Variants in ABCB6 observed in about 807,000 individuals in gnomAD.
ABCB6 encodes ATP binding cassette subfamily B member 6 (LAN blood group).
In ABCB6, 87 loss-of-function variants were observed where a neutral mutation model predicts 99.4. That is an observed-to-expected ratio of 0.88 (90% CI 0.74 to 1.05). The LOEUF (loss-of-function observed/expected upper bound fraction) is 1.05. Among genes scored for constraint, ABCB6 ranks in the 50% least tolerant of loss-of-function variants. The pLI is 0.00. For synonymous variants in ABCB6, 482 were observed against 447.5 expected (o/e 1.08, Z -0.97); for missense variants, 1,050 against 1,097.9 (o/e 0.96, Z 0.62).
intron 6 of ABCB6, 43 bp downstream of exon 6, chr2:219,214,918 C>A: frequency 6.2e-7 from 1 of 1,612,886 alleles, no homozygotes; most frequent in Non-Finnish European, 8.5e-7. Flanking sequence ...CCAAGGGAGT[C>A]CCTGGATAGT....
rs1291575906 is a variant in ABCB6, at chr2:219,218,263, T to C, written c.411A>G (p.Ala137=). The change falls in exon 1 of 19, where the codon GCA becomes GCG. Residue 137 remains alanine (A), a synonymous_variant. Coordinates refer to ENST00000265316, the MANE Select transcript of ABCB6 (RefSeq NM_005689.4). ...GCCTGAACTTGATCCAGATGCCCATTGCCAGACGCTGCCGTGCCTGGCTCC... is the reference window on the plus strand; with the variant it reads ...GCCTGAACTTGATCCAGATGCCCATCGCCAGACGCTGCCGTGCCTGGCTCC... ...VERSQARQRL[A]MGIWIKFRHS... is the part of the protein sequence containing the mutation. 1 of 1,613,290 alleles carries C rather than the reference T, an allele frequency of 6.2e-7. No homozygotes were observed. Among genetic ancestry groups the C allele is most frequent in the Non-Finnish European group, 8.5e-7 (1 of 1,180,030 alleles).
chr2:219,214,530 G>A lies in ABCB6; in HGVS notation c.1277-32C>T, dbSNP rs762292569. On this transcript the variant is annotated intron_variant, in intron 6 of 18. Coordinates refer to ENST00000265316, the MANE Select transcript of ABCB6 (RefSeq NM_005689.4). Reference sequence around the variant, plus strand: ...AGTGACAGGATGGGGAGCAGAATAGGACATCATCCCCAAAAGCAGAGACCA... The same window carrying A: ...AGTGACAGGATGGGGAGCAGAATAGAACATCATCCCCAAAAGCAGAGACCA... 4 of 1,480,496 alleles carry A rather than the reference G, an allele frequency of 2.7e-6. No homozygotes were observed. The Admixed American group carries it at 5.0e-5, about 19-fold the overall frequency. 91.7% of individuals were successfully genotyped at this position (1,480,496 alleles called of 1,614,324 possible). A position where few individuals can be genotyped will look rare whatever the true frequency, so the allele number is the denominator to read the frequency against.
Position 219,218,931 on chromosome 2 carries a change from C to G in ABCB6, c.-258G>C, listed in dbSNP as rs903317795. On this transcript the variant is annotated 5_prime_UTR_variant, in exon 1 of 19. Coordinates refer to ENST00000265316, the MANE Select transcript of ABCB6 (RefSeq NM_005689.4). ...CCCCGCTGGCTCTGGGCCCGGGACC[C>G]TCCTGCCAACTGCAGGCCCACGGGA... 18 of 465,968 alleles carry G rather than the reference C, an allele frequency of 3.9e-5. No individual in the cohort carries two copies. In the South Asian group the frequency reaches 5.8e-4, roughly 15 times the overall value. 28.9% of individuals were successfully genotyped at this position (465,968 alleles called of 1,614,324 possible). A position where few individuals can be genotyped will look rare whatever the true frequency, so the allele number is the denominator to read the frequency against.
chr2:219,214,390 G>A lies in ABCB6; in HGVS notation c.1385C>T (p.Thr462Met), dbSNP rs200074767. 48 of 1,612,910 alleles carry A rather than the reference G, an allele frequency of 3.0e-5. No individual in the cohort carries two copies. Among genetic ancestry groups the A allele is most frequent in the African/African-American group, 4.0e-5 (3 of 74,886 alleles). The part of the protein sequence containing the change: ...RAVDSLLNFE[T>M]VKYYNAESYE... ...CACTGCCACCGGGCCCTCTGTTACC[G>A]TCTCGAAGTTTAGCAGAGAGTCCAC... is the stretch of plus-strand genomic sequence containing the variant. The change falls in exon 7 of 19, where the codon ACG becomes ATG. Residue 462 changes from threonine (T) to methionine (M), a missense_variant and splice_region_variant. Coordinates refer to ENST00000265316, the MANE Select transcript of ABCB6 (RefSeq NM_005689.4).
In ABCB6 at chr2:219,216,616, G is replaced by A; in HGVS notation, c.868+36C>T. The A allele has an allele frequency of 1.9e-6, 3 of 1,543,284 alleles. No individual in the cohort carries two copies. The highest frequency in any genetic ancestry group is 2.6e-6 in the Non-Finnish European group (3 of 1,140,476). ...CCATCCCAGCCACCAGGCTGATGAA[G>A]GACCAGCACACTGAGCTGGTGCTCC... On this transcript the variant is annotated intron_variant, in intron 3 of 18. Transcript: ENST00000265316. This position sits in a 1 kb window ranked among gnomAD's most constrained non-coding sequence, Gnocchi z 4.2.
rs750894883 is a variant in ABCB6, at chr2:219,214,959, ACT to A, written c.1276_1276+1del. ...GAGACGGTGTCTCCCAGCAGCACTC[ACT>A]GAGGTAAAGACTCATGCACAGGAAC... On this transcript the variant is annotated splice_donor_variant and coding_sequence_variant, in exon 6 of 19. Coordinates refer to ENST00000265316, the MANE Select transcript of ABCB6 (RefSeq NM_005689.4). LOFTEE classifies it high-confidence loss of function. The A allele has an allele frequency of 3.7e-6, 6 of 1,613,966 alleles. No homozygotes were observed. Among genetic ancestry groups the A allele is most frequent in the Non-Finnish European group, 5.1e-6 (6 of 1,180,008 alleles).
Position 219,218,795 on chromosome 2 carries a change from T to C in ABCB6, c.-122A>G. 8.7e-7 allele frequency: 1 copy of C among 1,150,460 alleles called. No homozygotes were observed. The highest frequency in any genetic ancestry group is 1.2e-6 in the Non-Finnish European group (1 of 846,276). 71.3% of individuals were successfully genotyped at this position (1,150,460 alleles called of 1,614,324 possible). A position where few individuals can be genotyped will look rare whatever the true frequency, so the allele number is the denominator to read the frequency against. On this transcript the variant is annotated 5_prime_UTR_variant, in exon 1 of 19. Coordinates refer to ENST00000265316, the MANE Select transcript of ABCB6 (RefSeq NM_005689.4). ...CTCACGTAGCCGCTGGGCGCCAAGCTGCGGGGGTCCCGGGAAGGGACGCAC... is the reference window on the plus strand; with the variant it reads ...CTCACGTAGCCGCTGGGCGCCAAGCCGCGGGGGTCCCGGGAAGGGACGCAC...
Position 219,215,002 on chromosome 2 carries a change from C to A in ABCB6, c.1235G>T (p.Trp412Leu). ...IIYFSMFFNAWFGLIVFLCMS... is the reference protein window; with the variant it reads ...IIYFSMFFNALFGLIVFLCMS... ...GCACAGGAACACAATGAGGCCAAAC[C>A]AGGCGTTGAAGAACATGCTGAAGTA... Residue 412 changes from tryptophan (W) to leucine (L), a missense_variant, in exon 6 of 19, where the codon TGG becomes TTG. Physicochemically the swap from Trp to Leu is moderately conservative, Grantham distance 61 (BLOSUM62 -2). Transcript: ENST00000265316. The A allele has an allele frequency of 1.2e-6, 2 of 1,614,148 alleles. No individual in the cohort carries two copies. Among genetic ancestry groups the A allele is most frequent in the South Asian group, 2.2e-5 (2 of 91,090 alleles).
Position 219,212,865 on chromosome 2 carries a change from G to A in ABCB6, c.1863+143C>T, listed in dbSNP as rs1183979067. On this transcript the variant is annotated intron_variant, in intron 13 of 18. Transcript: ENST00000265316. ...AGGTTCCCTCTCCAAGAGGTCACCA[G>A]TGTCCATGGAGGCTGCACCATTCAA... 4.2e-6 allele frequency: 4 copies of A among 958,478 alleles called. No individual in the cohort carries two copies. The East Asian group carries it at 7.9e-5, about 19-fold the overall frequency. 59.4% of individuals were successfully genotyped at this position (958,478 alleles called of 1,614,324 possible). A position where few individuals can be genotyped will look rare whatever the true frequency, so the allele number is the denominator to read the frequency against.
Position 219,210,284 on chromosome 2 carries a change from A to C in ABCB6, c.2366T>G (p.Val789Gly), listed in dbSNP as rs1044559075. The C allele has an allele frequency of 8.7e-6, 14 of 1,614,058 alleles. No homozygotes were observed. Among genetic ancestry groups the C allele is most frequent in the Non-Finnish European group, 1.1e-5 (13 of 1,180,040 alleles). ...IVVAHRLSTV[V>G]NADQILVIKD... ...GATGACGAGGATCTGGTCAGCATTG[A>C]CCACAGTTGAGAGCCTGAGAAGTCA... Residue 789 changes from valine (V) to glycine (G), a missense_variant, in exon 18 of 19, where the codon GTC (valine) becomes GGC (glycine). Transcript: ENST00000265316.
At position 219,214,302 on chromosome 2, in the gene ABCB6, C is replaced by T; in HGVS notation, c.1386+87G>A. ...CAAACATCACACACAAACATCACAC[C>T]CCCAGCTCTCTGTCAGCCCCAGTGG... On this transcript the variant is annotated intron_variant, in intron 7 of 18. Transcript: ENST00000265316. The T allele has an allele frequency of 2.0e-6, 3 of 1,473,244 alleles. No homozygotes were observed. In the South Asian group the frequency reaches 3.4e-5, roughly 17 times the overall value. 91.3% of individuals were successfully genotyped at this position (1,473,244 alleles called of 1,614,324 possible).
Position 219,216,862 on chromosome 2 carries a change from C to G in ABCB6, c.688-30G>C. On this transcript the variant is annotated intron_variant, in intron 2 of 18. Transcript: ENST00000265316. The surrounding 1 kb of genome is among the most constrained non-coding windows in gnomAD (Gnocchi z 4.2). ...GATGGTGAAACACGTAGGAAGGGAG[C>G]TCAGAAATCAAGTAAGTGCACTAGC... The G allele has an allele frequency of 6.3e-7, 1 of 1,586,474 alleles. No homozygotes were observed. Among genetic ancestry groups the G allele is most frequent in the African/African-American group, 1.3e-5 (1 of 74,138 alleles).
Position 219,210,974 on chromosome 2 carries a change from C to G in ABCB6, c.2103G>C (p.Gln701His). ...AGNDEVEAAA[Q>H]AAGIHDAIMA... ...TAATGGCATCATGGATGCCTGCAGCCTGAGCAGCAGCCTCCACCTCATCAT... is the reference window on the plus strand; with the variant it reads ...TAATGGCATCATGGATGCCTGCAGCGTGAGCAGCAGCCTCCACCTCATCAT... Residue 701 changes from glutamine to histidine, a missense_variant, in exon 15 of 19, where the codon CAG becomes CAC. Physicochemically the swap from Gln to His is conservative, Grantham distance 24. Coordinates refer to ENST00000265316, the MANE Select transcript of ABCB6 (RefSeq NM_005689.4). 6.2e-7 allele frequency: 1 copy of G among 1,614,208 alleles called. No homozygotes were observed. Among genetic ancestry groups the G allele is most frequent in the Non-Finnish European group, 8.5e-7 (1 of 1,180,028 alleles).
rs767489801 is a variant in ABCB6 at position 219,218,716 on chromosome 2, C to T, written c.-43G>A. The T allele has an allele frequency of 1.3e-6, 2 of 1,504,842 alleles. No individual in the cohort carries two copies. The highest frequency in any genetic ancestry group is 1.8e-6 in the Non-Finnish European group (2 of 1,126,642). The allele number at this position is 1,504,842 out of a possible 1,614,324, so 93.2% of individuals were successfully genotyped here. On this transcript the variant is annotated 5_prime_UTR_variant, in exon 1 of 19. Transcript: ENST00000265316. ...GGCCGAGGCTGCGGGCACTGCGGGA[C>T]CGGAGGCCGGGACTGGTCACTCGGA...
At position 219,210,478 on chromosome 2, in the gene ABCB6, A is replaced by G; in HGVS notation, c.2257-3T>C. 6.2e-7 allele frequency: 1 copy of G among 1,613,872 alleles called. No individual in the cohort carries two copies. Among genetic ancestry groups the G allele is most frequent in the African/African-American group, 1.3e-5 (1 of 75,036 alleles). Reference sequence around the variant, plus strand: ...GATGTATCCAGCGCTGACGTTGCCTATAGAGAGGGTCCAGGTAAAACTGCT... The same window carrying G: ...GATGTATCCAGCGCTGACGTTGCCTGTAGAGAGGGTCCAGGTAAAACTGCT... On this transcript the variant is annotated splice_region_variant and splice_polypyrimidine_tract_variant and intron_variant, in intron 16 of 18. Coordinates refer to ENST00000265316, the MANE Select transcript of ABCB6 (RefSeq NM_005689.4).
rs1243298308 is a variant in ABCB6, at chr2:219,214,495, A to G, written c.1280T>C (p.Leu427Pro). 5.6e-6 allele frequency: 9 copies of G among 1,611,502 alleles called. No homozygotes were observed. Among genetic ancestry groups the G allele is most frequent in the African/African-American group, 2.7e-5 (2 of 74,878 alleles). The change falls in exon 7 of 19, where the codon CTG (leucine) becomes CCG (proline). Residue 427 changes from leucine (L) to proline (P), a missense_variant. Coordinates refer to ENST00000265316, the MANE Select transcript of ABCB6 (RefSeq NM_005689.4). ...TCTCCACTCAGTGACCACAATGGTC[A>G]GGGCTGGAGAGTGACAGGATGGGGA... ...VFLCMSLYLT[L>P]TIVVTEWRTK...
intron 5 of ABCB6, 119 bp from the exon 6 acceptor site, chr2:219,215,201 T>C (rs1559237366): frequency 3.1e-6 from 4 of 1,302,722 alleles, no homozygotes; most frequent in Non-Finnish European, 4.2e-6. Context: ...CAGTCTTAAT[T>C]AATTCTACCC....
intron 16 of ABCB6, 35 bp from the exon 17 acceptor site, chr2:219,210,510 A>G: frequency 6.2e-7 from 1 of 1,608,744 alleles, no homozygotes; most frequent in African/African-American, 1.3e-5. Context: ...TGCTCCTGCC[A>G]CTCAAAACCC....
chr2:219,212,329 C>A (rs1041746987), intron 14 of ABCB6, 58 bp downstream of exon 14: 4 of 1,466,682 alleles, frequency 2.7e-6, no homozygotes, highest in Non-Finnish European at 3.8e-6. Flanking sequence ...ACAGCCAGCC[C>A]TTATCATTCC....
Sources: gnomAD v4.1 joint callset for allele counts on GRCh38, gnomAD v4.1.1 for gene constraint, Gnocchi (gnomAD v3.1) non-coding constraint, MANE v1.5 for transcripts, NCBI Gene and HGNC (gene_info 2026-07-23, HGNC 2026-07-21) for gene names.